Variants in BACE2 observed in about 807,000 individuals in gnomAD.
The protein encoded by BACE2 is 56 kDa aspartic-like protease.
BACE2 carries 17 observed loss-of-function variants against 46.2 expected under a neutral mutation model. The ratio of observed to expected loss-of-function variants is 0.37; its 90% CI spans 0.25 to 0.55. The LOEUF (loss-of-function observed/expected upper bound fraction) is 0.55. BACE2 is among the 20% of genes least tolerant of loss of function. The probability of loss-of-function intolerance (pLI) is 0.82; values close to 1 mark genes in which losing one functional copy is unlikely to be tolerated. For synonymous variants in BACE2, 277 were observed against 295.9 expected (o/e 0.94, Z 0.66); for missense variants, 595 against 698.1 (o/e 0.85, Z 1.66).
chr21:41,195,079 G>A (rs1282467380), intron 1 of BACE2, among the ~76,000 whole-genome samples: 1 of 152,194 alleles, frequency 6.6e-6, no homozygotes, highest in Non-Finnish European at 1.5e-5. Context: ...AAGGCCTGTG[G>A]GCCAAATCTG....
intron 2 of BACE2, among the ~76,000 whole-genome samples, 196 bp from the exon 3 acceptor site, chr21:41,237,317 G>A (rs1352461155): frequency 6.6e-6 from 1 of 152,148 alleles, no homozygotes; most frequent in African/African-American, 2.4e-5. Flanking sequence ...GTGGTGATGT[G>A]TGCCTGTATT....
chr21:41,191,479 A>T (rs1344700430), intron 1 of BACE2, among the ~76,000 whole-genome samples: 1 of 152,200 alleles, frequency 6.6e-6, no homozygotes, highest in Non-Finnish European at 1.5e-5. Flanking sequence ...CCATATCCAG[A>T]GTAAGTGTCT....
intron 2 of BACE2, among the ~76,000 whole-genome samples, chr21:41,232,988 C>A (rs1987008499): frequency 6.6e-6 from 1 of 151,792 alleles, no homozygotes; most frequent in South Asian, 2.1e-4. Flanking sequence ...CCTGCCTCAG[C>A]CTCCCGAGTA....
rs113961686 is a variant in BACE2 at position 41,193,991 on chromosome 21, G to A, written c.312+25416G>A. On this transcript the variant is annotated intron_variant, in intron 1 of 8. Coordinates refer to ENST00000330333, the MANE Select transcript of BACE2 (RefSeq NM_012105.5). This position sits in a 1 kb window ranked among gnomAD's most constrained non-coding sequence, Gnocchi z 4.2. ...AGAAAGATTCACTGCATACATTGTC[G>A]GTAATGTAGTGGGGTCCTTCCTCAA... Among the ~76,000 whole-genome samples the A allele has an allele frequency of 7.1e-3, 1,074 of 152,242 alleles. 18 individuals are homozygous for A. Among genetic ancestry groups the A allele is most frequent in the African/African-American group, 0.023 (975 of 41,534 alleles).
Position 41,280,781 on chromosome 21 carries a change from T to C in BACE2, c.*5157T>C, listed in dbSNP as rs2088539588. On this transcript the variant is annotated 3_prime_UTR_variant, in exon 9 of 9. Transcript: ENST00000330333. ...TCCCAGCAATAAATCCAGTATTTTC[T>C]TCCCTGCCCTGAGCTTCCTCTGGGT... 6.6e-6 allele frequency: 1 copy of C among 152,288 alleles called. No homozygotes were observed. The highest frequency in any genetic ancestry group is 1.5e-5 in the Non-Finnish European group (1 of 68,060). 9.4% of individuals were successfully genotyped at this position (152,288 alleles called of 1,614,324 possible). A position where few individuals can be genotyped will look rare whatever the true frequency, so the allele number is the denominator to read the frequency against.
At chr21:41,269,100 G>A (rs893183519) in intron 8 of BACE2, among the ~76,000 whole-genome samples, 4 of 151,880 alleles carry the variant, frequency 2.6e-5, no homozygotes, top group African/African-American at 4.8e-5. Flanking sequence ...GATTACAGGC[G>A]TGTGCCACCA....
chr21:41,207,712 G>A (rs184280600), intron 1 of BACE2, among the ~76,000 whole-genome samples: 53 of 152,310 alleles, frequency 3.5e-4, no homozygotes, highest in Non-Finnish European at 6.2e-4. Flanking sequence ...AGCCCCTGTT[G>A]CAAAGGAACA....
intron 3 of BACE2, 147 bp from the exon 4 acceptor site, chr21:41,241,672 C>A: frequency 1.2e-6 from 1 of 862,478 alleles, no homozygotes; most frequent in Admixed American, 2.8e-5. Context: ...AATTCCTAGA[C>A]CCAATCACAA....
At chr21:41,243,203 C>T (rs1282592743) in intron 4 of BACE2, among the ~76,000 whole-genome samples, 173 bp from the exon 5 acceptor site, 5 of 152,176 alleles carry the variant, frequency 3.3e-5, no homozygotes, top group African/African-American at 4.8e-5. Flanking sequence ...TGAGCCACCG[C>T]GCCTGGCTCC....
intron 1 of BACE2, among the ~76,000 whole-genome samples, chr21:41,169,254 G>A (rs891703695): frequency 5.3e-5 from 8 of 151,830 alleles, no homozygotes; most frequent in Admixed American, 3.9e-4. Context: ...GCATCTACAC[G>A]CGGGTGTGCA....
At chr21:41,230,224 G>A (rs753518269) in intron 2 of BACE2, 3 of 152,208 alleles carry the variant, frequency 2.0e-5, no homozygotes, top group Non-Finnish European at 4.4e-5. Context: ...TGCGTTTGAG[G>A]CGAGTTCTAT....
At chr21:41,168,986 T>TCCCCCCCG (rs1984491167) in intron 1 of BACE2, among the ~76,000 whole-genome samples, 3 of 60,604 alleles carry the variant, frequency 5.0e-5, no homozygotes, top group Non-Finnish European at 1.0e-4. Flanking sequence ...ATACCCTCCC[T>TCCCCCCCG]CCCCCCCGCC....
At chr21:41,250,548 C>T (rs1438689019) in intron 6 of BACE2, among the ~76,000 whole-genome samples, 4 of 152,160 alleles carry the variant, frequency 2.6e-5, no homozygotes, top group East Asian at 1.9e-4. Flanking sequence ...CTAGTAGGTA[C>T]TTCATGTGTC....
intron 1 of BACE2, among the ~76,000 whole-genome samples, chr21:41,222,679 T>A (rs1986693917): frequency 1.3e-5 from 2 of 152,200 alleles, no homozygotes; most frequent in African/African-American, 4.8e-5. Flanking sequence ...CTGTGGTGGC[T>A]GCTGGTTGGA....
At chr21:41,236,774 T>G (rs1399739783) in intron 2 of BACE2, 1 of 152,212 alleles carries the variant, frequency 6.6e-6, no homozygotes, top group East Asian at 1.9e-4. Context: ...CACCTACCCG[T>G]GTCACACAGC....
intron 1 of BACE2, among the ~76,000 whole-genome samples, chr21:41,169,836 A>T (rs1298554741): frequency 6.6e-6 from 1 of 152,190 alleles, no homozygotes; most frequent in Non-Finnish European, 1.5e-5. Context: ...CACGTGAGTG[A>T]TCTTTGCCAT....
chr21:41,194,717 C>G (rs1342039850), intron 1 of BACE2, among the ~76,000 whole-genome samples: 1 of 152,090 alleles, frequency 6.6e-6, no homozygotes, highest in Non-Finnish European at 1.5e-5. Flanking sequence ...CATATTTGAG[C>G]CATCCTAAAT....
chr21:41,179,604 G>A (rs1295098595), intron 1 of BACE2: 1 of 1,359,562 alleles, frequency 7.4e-7, no homozygotes, highest in Non-Finnish European at 9.8e-7. Context: ...TGTTTGCAGT[G>A]CTTCAGGCGC....
chr21:41,253,556 G>A (rs368264030), intron 7 of BACE2, among the ~76,000 whole-genome samples: 217 of 152,120 alleles, frequency 1.4e-3, no homozygotes, highest in African/African-American at 5.0e-3. Context: ...AACCCAGCTT[G>A]AGGACCCAGG....
Sources: allele counts gnomAD v4.1 joint callset (sites outside exome capture counted in the v4.1 genomes callset), GRCh38; gene constraint gnomAD v4.1.1; non-coding constraint Gnocchi (gnomAD v3.1); transcripts MANE v1.5; gene names NCBI Gene and HGNC (gene_info 2026-07-23, HGNC 2026-07-21).